CADM2: variants seen among roughly 807,000 people sequenced by gnomAD.
CADM2 encodes the protein cell adhesion molecule 2, also known as immunoglobulin superfamily member 4D.
CADM2 carries 12 observed loss-of-function variants against 49.8 expected under a neutral mutation model. That is an observed-to-expected ratio of 0.24 (90% confidence interval 0.15 to 0.39). The LOEUF is 0.39. CADM2 is among the 10% of genes least tolerant of loss of function. The pLI is 1.00. For missense variants in CADM2, 378 were observed against 492.3 expected, an observed-to-expected ratio of 0.77 and a Z score of 2.20; for synonymous variants, 214 against 175.4, an observed-to-expected ratio of 1.22 and a Z score of -1.74.
rs3044028 is a variant in CADM2 at position 85,752,472 on chromosome 3, G to GCACACACA, written c.88+25946_88+25953dup. 6.0e-3 allele frequency among the ~76,000 whole-genome samples: 894 copies of GCACACACA among 147,898 alleles called. 6 individuals carry two copies. Among genetic ancestry groups the GCACACACA allele is most frequent in the African/African-American group, 0.017 (685 of 39,642 alleles). On this transcript the variant is annotated intron_variant, in intron 2 of 9. Transcript: ENST00000383699. The stretch of plus-strand genomic sequence containing the variant: ...CTCCTTATGTCTCATATGTGTGCGT[G>GCACACACA]CACACACACACACACACACACACAC...
intron 1 of CADM2, among the ~76,000 whole-genome samples, chr3:85,589,032 A>C (rs1365800461): frequency 6.6e-6 from 1 of 152,026 alleles, no homozygotes; most frequent in African/African-American, 2.4e-5. Flanking sequence ...AAGGCTATGC[A>C]TTATGTCAGA....
chr3:85,330,840 T>C (rs1478848063), intron 1 of CADM2, among the ~76,000 whole-genome samples: 2 of 150,062 alleles, frequency 1.3e-5, no homozygotes, highest in African/African-American at 4.9e-5. Context: ...TGTGTGCCTG[T>C]GGTTTCAGCT....
chr3:85,984,061 C>T (rs973185581), intron 8 of CADM2, among the ~76,000 whole-genome samples: 1 of 149,010 alleles, frequency 6.7e-6, no homozygotes, highest in Non-Finnish European at 1.5e-5. Context: ...TTATATTATA[C>T]ATAATACAAT....
At chr3:85,615,861 A>G (rs1334601988) in intron 1 of CADM2, among the ~76,000 whole-genome samples, 2 of 152,108 alleles carry the variant, frequency 1.3e-5, no homozygotes, top group African/African-American at 2.4e-5. Flanking sequence ...AGCATAAAAT[A>G]TGAGTTGGGT....
chr3:86,060,101 A>G (rs1180554306), intron 8 of CADM2, among the ~76,000 whole-genome samples: 1 of 152,122 alleles, frequency 6.6e-6, no homozygotes, highest in Non-Finnish European at 1.5e-5. Flanking sequence ...TTATAAATTA[A>G]TTTCTTCAAA....
rs1402602346 is a variant in CADM2 at position 86,067,566 on chromosome 3, A to T, written c.*783A>T. 1.3e-5 allele frequency: 2 copies of T among 152,498 alleles called. No individual in the cohort carries two copies. Among genetic ancestry groups the T allele is most frequent in the Non-Finnish European group, 2.9e-5 (2 of 67,940 alleles). 9.4% of individuals were successfully genotyped at this position (152,498 alleles called of 1,614,324 possible). A position where few individuals can be genotyped will look rare whatever the true frequency, so the allele number is the denominator to read the frequency against. ...ATATTTAATTCATTTCTCTAATTTG[A>T]TTCTATAATTTATTTGCTTCATAAA... On this transcript the variant is annotated 3_prime_UTR_variant, in exon 10 of 10. Coordinates refer to ENST00000383699, the MANE Select transcript of CADM2 (RefSeq NM_001167675.2).
At chr3:84,976,425 G>C (rs1185325685) in intron 1 of CADM2, among the ~76,000 whole-genome samples, 2 of 151,542 alleles carry the variant, frequency 1.3e-5, no homozygotes, top group Admixed American at 1.3e-4. Flanking sequence ...ATAAAGCATA[G>C]TATTTAGTGA....
intron 1 of CADM2, among the ~76,000 whole-genome samples, chr3:85,550,820 C>T (rs2061784058): frequency 6.6e-6 from 1 of 152,102 alleles, no homozygotes; most frequent in African/African-American, 2.4e-5. Context: ...CCTTTGCACT[C>T]TGATTTCCAG....
chr3:85,544,307 G>A (rs970302142), intron 1 of CADM2, among the ~76,000 whole-genome samples: 23 of 152,134 alleles, frequency 1.5e-4, no homozygotes, highest in African/African-American at 5.3e-4. Flanking sequence ...GGCCGGGCGC[G>A]GTTGCTCACG....
intron 1 of CADM2, among the ~76,000 whole-genome samples, chr3:85,338,918 G>T (rs991900358): frequency 6.6e-6 from 1 of 151,378 alleles, no homozygotes; most frequent in African/African-American, 2.4e-5. Context: ...TAGCAAAAGT[G>T]GATGTTTAAG....
intron 1 of CADM2, among the ~76,000 whole-genome samples, chr3:85,430,273 C>G (rs1160011377): frequency 6.6e-6 from 1 of 152,096 alleles, no homozygotes; most frequent in Non-Finnish European, 1.5e-5. Context: ...GCAAAATCCT[C>G]CCGTGGAAAA....
At chr3:85,331,296 G>T (rs1428974186) in intron 1 of CADM2, among the ~76,000 whole-genome samples, 3 of 151,754 alleles carry the variant, frequency 2.0e-5, no homozygotes, top group African/African-American at 7.3e-5. Flanking sequence ...ACCCTTCCCA[G>T]CCTCTGGTAA....
At chr3:85,607,544 G>C (rs556135913) in intron 1 of CADM2, among the ~76,000 whole-genome samples, 1 of 152,182 alleles carries the variant, frequency 6.6e-6, no homozygotes, top group South Asian at 2.1e-4. Flanking sequence ...AGTGAGAAAT[G>C]CTTGAGGTGA....
intron 1 of CADM2, among the ~76,000 whole-genome samples, chr3:85,537,532 A>C (rs1300371339): frequency 6.6e-6 from 1 of 151,822 alleles, no homozygotes; most frequent in African/African-American, 2.4e-5. Context: ...GCAAGAAATA[A>C]CATGTTAATA....
At chr3:85,824,159 A>G (rs893178225) in intron 3 of CADM2, among the ~76,000 whole-genome samples, 1 of 152,180 alleles carries the variant, frequency 6.6e-6, no homozygotes, top group African/African-American at 2.4e-5. Flanking sequence ...GCACTAACTC[A>G]TATTGTACTC....
intron 3 of CADM2, among the ~76,000 whole-genome samples, chr3:85,862,306 A>T (rs2075566664): frequency 6.6e-6 from 1 of 152,260 alleles, no homozygotes; most frequent in East Asian, 1.9e-4. Flanking sequence ...AAGAAAATAT[A>T]ATTTTATAAT....
At chr3:85,415,159 A>T (rs1356507206) in intron 1 of CADM2, among the ~76,000 whole-genome samples, 3 of 152,124 alleles carry the variant, frequency 2.0e-5, no homozygotes, top group African/African-American at 7.2e-5. Context: ...AATTTGCTTA[A>T]ACTTTGTATC....
At chr3:86,048,709 A>T (rs1736967824) in intron 8 of CADM2, among the ~76,000 whole-genome samples, 2 of 152,166 alleles carry the variant, frequency 1.3e-5, no homozygotes, top group Non-Finnish European at 2.9e-5. Context: ...TTGGTTATTT[A>T]TCTGTTTCCA....
chr3:85,550,748 T>G (rs2061781879), intron 1 of CADM2, among the ~76,000 whole-genome samples: 1 of 152,156 alleles, frequency 6.6e-6, no homozygotes, highest in African/African-American at 2.4e-5. Context: ...TAACTTGATC[T>G]AAAATGCTTG....
Sources: allele counts gnomAD v4.1 joint callset (sites outside exome capture counted in the v4.1 genomes callset), GRCh38; gene constraint gnomAD v4.1.1; transcripts MANE v1.5; gene names NCBI Gene and HGNC (gene_info 2026-07-23, HGNC 2026-07-21).